DNAI7: variants seen among roughly 807,000 people sequenced by gnomAD.
DNAI7 encodes the protein dynein axonemal intermediate chain 7, also known as cancer susceptibility 1.
A neutral mutation model predicts 86.6 loss-of-function variants in DNAI7; 78 were observed. The ratio of observed to expected loss-of-function variants is 0.90; its 90% CI spans 0.75 to 1.09. The LOEUF (loss-of-function observed/expected upper bound fraction) is 1.09. DNAI7 is among the 50% of genes least tolerant of loss of function. The probability of loss-of-function intolerance (pLI) is 0.00; values close to 1 mark genes in which losing one functional copy is unlikely to be tolerated. For synonymous variants in DNAI7, 274 were observed against 273.0 expected, an observed-to-expected ratio of 1.00 and a Z score of -0.04; for missense variants, 753 against 810.2, an observed-to-expected ratio of 0.93 and a Z score of 0.86.
chr12:25,158,346 G>A, intron 4 of DNAI7, 126 bp downstream of exon 4: 1 of 677,458 alleles, frequency 1.5e-6, no homozygotes, highest in Non-Finnish European at 2.5e-6. Flanking sequence ...TTATTCTATG[G>A]TACGATTAAG....
At chr12:25,188,467 G>A (rs1003376033) in intron 2 of DNAI7, among the ~76,000 whole-genome samples, 1 of 152,040 alleles carries the variant, frequency 6.6e-6, no homozygotes, top group African/African-American at 2.4e-5. Flanking sequence ...TAAAAAACCA[G>A]AAAGTATAAA....
At chr12:25,156,289 G>T (rs1657531676) in intron 4 of DNAI7, among the ~76,000 whole-genome samples, 1 of 152,140 alleles carries the variant, frequency 6.6e-6, no homozygotes, top group Non-Finnish European at 1.5e-5. Context: ...GCAATTATTT[G>T]ACTAATTTGG....
At position 25,139,998 on chromosome 12, in the gene DNAI7, T is replaced by C. The variant is rs146407986; in HGVS notation, c.1002+4367A>G. Among the ~76,000 whole-genome samples, 140 of 152,290 alleles carry C rather than the reference T, an allele frequency of 9.2e-4. 2 individuals carry two copies. In the Middle Eastern group the frequency reaches 0.01, roughly 11 times the overall value. On this transcript the variant is annotated intron_variant, in intron 9 of 15. Coordinates refer to ENST00000395987, the MANE Select transcript of DNAI7 (RefSeq NM_018272.5). ...AGCATCTGACAAAATCCAGCATCTC[T>C]TTATGATTACAACTCTCAGCAAAAT... is the stretch of plus-strand genomic sequence containing the variant.
chr12:25,165,632 C>G (rs1295280684), intron 2 of DNAI7, among the ~76,000 whole-genome samples: 2 of 151,792 alleles, frequency 1.3e-5, no homozygotes, highest in East Asian at 3.8e-4. Flanking sequence ...CTGACACTGC[C>G]CAATTGCCTC....
At chr12:25,125,880 T>G (rs1429521632) in intron 9 of DNAI7, among the ~76,000 whole-genome samples, 1 of 152,090 alleles carries the variant, frequency 6.6e-6, no homozygotes, top group East Asian at 1.9e-4. Context: ...CTTTTCCCCA[T>G]TGTTTGTTTT....
chr12:25,149,670 G>C lies in DNAI7; in HGVS notation c.543C>G (p.Leu181=). 6.2e-7 allele frequency: 1 copy of C among 1,606,736 alleles called. No homozygotes were observed. The highest frequency in any genetic ancestry group is 1.7e-5 in the Admixed American group (1 of 59,402). Residue 181 remains leucine, a synonymous_variant, in exon 7 of 16, where the codon CTC becomes CTG. Coordinates refer to ENST00000395987, the MANE Select transcript of DNAI7 (RefSeq NM_018272.5). ...YQESILQLQE[L]LHLKFGVATE... is the part of the protein sequence containing the mutation. Reference sequence around the variant, plus strand: ...TGGCTACACCGAATTTAAGATGAAGGAGCTCCTGCAGTTGTAGTATTGATT... The same window carrying C: ...TGGCTACACCGAATTTAAGATGAAGCAGCTCCTGCAGTTGTAGTATTGATT...
chr12:25,147,483 C>T (rs1268650385), intron 7 of DNAI7, among the ~76,000 whole-genome samples: 2 of 150,124 alleles, frequency 1.3e-5, no homozygotes, highest in African/African-American at 2.4e-5. Flanking sequence ...GAGACCACCC[C>T]CATCTCTACA....
chr12:25,188,082 A>G (rs888353065), intron 2 of DNAI7, among the ~76,000 whole-genome samples: 21 of 152,226 alleles, frequency 1.4e-4, no homozygotes, highest in Admixed American at 6.5e-5. Flanking sequence ...AATAAGCCCA[A>G]CTGACAGATA....
At chr12:25,129,653 CCTAT>C (rs1172542172) in intron 9 of DNAI7, among the ~76,000 whole-genome samples, 3 of 152,212 alleles carry the variant, frequency 2.0e-5, no homozygotes, top group African/African-American at 7.2e-5. Context: ...TCCTTTCCTT[CCTAT>C]CTAAACTTCT....
intron 11 of DNAI7, among the ~76,000 whole-genome samples, chr12:25,119,978 A>AG (rs1940935960): frequency 1.3e-5 from 2 of 152,140 alleles, no homozygotes; most frequent in South Asian, 4.1e-4. Flanking sequence ...GTTGCAGGAG[A>AG]GAAAAACAGC....
In DNAI7 at chr12:25,132,796, T is replaced by C. The variant is rs573690661; in HGVS notation, c.1003-9510A>G. ...TTCAGTACATTTTTGGCTAGTTGTATTTCTTTTCTCAGCTGCCTGCTCATG... is the reference window on the plus strand; with the variant it reads ...TTCAGTACATTTTTGGCTAGTTGTACTTCTTTTCTCAGCTGCCTGCTCATG... On this transcript the variant is annotated intron_variant, in intron 9 of 15. Transcript: ENST00000395987. Among the ~76,000 whole-genome samples, 17 of 150,622 alleles carry C rather than the reference T, an allele frequency of 1.1e-4. No homozygotes were observed. In the East Asian group the frequency reaches 3.3e-3, roughly 29 times the overall value.
chr12:25,149,530 A>G, intron 7 of DNAI7, 98 bp downstream of exon 7: 1 of 852,446 alleles, frequency 1.2e-6, no homozygotes, highest in Non-Finnish European at 1.8e-6. Context: ...CTTTTCCATA[A>G]TCTCTTCATT....
intron 13 of DNAI7, among the ~76,000 whole-genome samples, chr12:25,113,948 T>G (rs796906545): frequency 1.5e-3 from 202 of 137,364 alleles, no homozygotes; most frequent in Middle Eastern, 3.6e-3. Context: ...GTTTTTTTTT[T>G]TTTTTTTTTT....
At chr12:25,123,173 T>C in intron 10 of DNAI7, 38 bp downstream of exon 10, 2 of 1,316,182 alleles carry the variant, frequency 1.5e-6, no homozygotes, top group Non-Finnish European at 2.1e-6. Flanking sequence ...GAAGAAAATC[T>C]CAATAAAGTT....
intron 9 of DNAI7, among the ~76,000 whole-genome samples, chr12:25,143,382 G>A (rs1334648036): frequency 6.6e-6 from 1 of 151,750 alleles, no homozygotes; most frequent in East Asian, 1.9e-4. Flanking sequence ...CCAAGTAGCT[G>A]GGATTACAGG....
chr12:25,119,379 T>C (rs779149018), intron 11 of DNAI7, 78 bp from the exon 12 acceptor site: 8 of 823,308 alleles, frequency 9.7e-6, no homozygotes, highest in Admixed American at 7.7e-5. Context: ...GAATAAGTTA[T>C]ATAGTTATTT....
chr12:25,116,574 G>A (rs1483475847), intron 12 of DNAI7, among the ~76,000 whole-genome samples: 2 of 151,914 alleles, frequency 1.3e-5, no homozygotes, highest in African/African-American at 2.4e-5. Flanking sequence ...ATCTCAGCTC[G>A]CTACACCCTC....
Position 25,114,734 on chromosome 12 carries a change from C to T in DNAI7, c.1533G>A (p.Trp511Ter), listed in dbSNP as rs369224348. 8.1e-6 allele frequency: 13 copies of T among 1,613,730 alleles called. No individual in the cohort carries two copies. Among genetic ancestry groups the T allele is most frequent in the Non-Finnish European group, 1.0e-5 (12 of 1,179,826 alleles). The change falls in exon 13 of 16, where the codon TGG becomes TGA. Residue 511 changes from tryptophan (W) to a stop codon, truncating the protein, a stop_gained. Transcript: ENST00000395987. LOFTEE classifies it high-confidence loss of function. The stretch of plus-strand genomic sequence containing the variant: ...TATTTACATCAAGTGGTCTTAGTTC[C>T]CATGACTGGTACGGCATGTTAATAT... Reference protein sequence around the residue: ...DAHINMPYQSWELRPLDVNKV... With the variant: ...DAHINMPYQS
chr12:25,165,038 T>C (rs955741339), intron 2 of DNAI7, among the ~76,000 whole-genome samples: 4 of 152,184 alleles, frequency 2.6e-5, no homozygotes, highest in Admixed American at 6.5e-5. Context: ...TTTAGGCTTT[T>C]TTCATCAAAT....
Sources: allele counts gnomAD v4.1 joint callset (sites outside exome capture counted in the v4.1 genomes callset), GRCh38; gene constraint gnomAD v4.1.1; transcripts MANE v1.5; gene names NCBI Gene and HGNC (gene_info 2026-07-23, HGNC 2026-07-21).